SMARCA2: variants seen among roughly 807,000 people sequenced by gnomAD.
SMARCA2 encodes SWI/SNF-related matrix-associated actin-dependent regulator of chromatin subfamily A member 2.
Under a neutral mutation model 199.8 loss-of-function variants are expected in SMARCA2, and 61 were observed. That is an observed-to-expected ratio of 0.31 (90% CI 0.25 to 0.38). The LOEUF (loss-of-function observed/expected upper bound fraction) is 0.38. Among genes scored for constraint, SMARCA2 ranks in the 10% least tolerant of loss-of-function variants. SMARCA2 has a pLI of 1.00. For synonymous variants in SMARCA2, 935 were observed against 732.0 expected (o/e 1.28, Z -4.48); for missense variants, 1,344 against 2,012.2 (o/e 0.67, Z 6.35).
Position 2,191,333 on chromosome 9 carries a change from C to G in SMARCA2, c.4662C>G (p.Gly1554=), listed in dbSNP as rs1199976180. The G allele has an allele frequency of 1.9e-6, 3 of 1,614,148 alleles. No homozygotes were observed. Among genetic ancestry groups the G allele is most frequent in the Non-Finnish European group, 2.5e-6 (3 of 1,180,010 alleles). The part of the protein sequence containing the change: ...KDDKGRDKGK[G]KKRPNRGKAK... ...ACAAAGGCCGGGACAAAGGGAAAGG[C>G]AAGAAAAGGCCAAATCGAGGAAAAG... is the stretch of plus-strand genomic sequence containing the variant. Residue 1554 remains glycine, a synonymous_variant, in exon 33 of 34, where the codon GGC becomes GGG. Coordinates refer to ENST00000349721, the MANE Select transcript of SMARCA2 (RefSeq NM_003070.5).
At chr9:2,118,905 A>G (rs984924035) in intron 25 of SMARCA2, among the ~76,000 whole-genome samples, 5 of 152,188 alleles carry the variant, frequency 3.3e-5, no homozygotes, top group African/African-American at 7.2e-5. Flanking sequence ...AATAATACCC[A>G]TAGAAATATA....
intron 14 of SMARCA2, among the ~76,000 whole-genome samples, chr9:2,078,222 A>G (rs960410399): frequency 2.0e-5 from 3 of 152,154 alleles, no homozygotes; most frequent in Non-Finnish European, 4.4e-5. Context: ...TTGTAATCCT[A>G]TCACTTTGGG....
Position 2,077,777 on chromosome 9 carries a change from G to C in SMARCA2, c.2184+1G>C. 6.2e-7 allele frequency: 1 copy of C among 1,605,574 alleles called. No homozygotes were observed. The highest frequency in any genetic ancestry group is 8.5e-7 in the Non-Finnish European group (1 of 1,175,698). ...TAATGGGACCCTAAAGCATTACCAG[G>C]TAATTGGCATGGTTTCAGTTTCCTT... On this transcript the variant is annotated splice_donor_variant, in intron 14 of 33. Coordinates refer to ENST00000349721, the MANE Select transcript of SMARCA2 (RefSeq NM_003070.5). LOFTEE classifies it high-confidence loss of function.
At chr9:2,121,038 C>A (rs1397185758) in intron 26 of SMARCA2, among the ~76,000 whole-genome samples, 1 of 152,196 alleles carries the variant, frequency 6.6e-6, no homozygotes, top group Non-Finnish European at 1.5e-5. Context: ...CTCAGCTGAT[C>A]ACTGTTAGGC....
intron 9 of SMARCA2, among the ~76,000 whole-genome samples, chr9:2,061,201 C>CTA (rs1188698864): frequency 6.6e-6 from 1 of 152,098 alleles, no homozygotes; most frequent in African/African-American, 2.4e-5. Context: ...ATATACTAAA[C>CTA]TAAAACAATG....
intron 19 of SMARCA2, among the ~76,000 whole-genome samples, chr9:2,091,599 T>C (rs1366459179): frequency 6.6e-6 from 1 of 152,202 alleles, no homozygotes; most frequent in Non-Finnish European, 1.5e-5. Flanking sequence ...GGTTTGCATT[T>C]CACTTGAGTA....
At chr9:2,053,827 A>G (rs1820234687) in intron 5 of SMARCA2, among the ~76,000 whole-genome samples, 1 of 152,214 alleles carries the variant, frequency 6.6e-6, no homozygotes, top group Non-Finnish European at 1.5e-5. Flanking sequence ...GAATGGCTAA[A>G]GTCAGAGGTC....
At position 2,104,721 on chromosome 9, in the gene SMARCA2, A is replaced by C. The variant is rs1326842847; in HGVS notation, c.3292+552A>C. ...CTATGTAAAATATTTGCCTGGTTTT[A>C]AGAGTGAAATTTAAATACCGTGTCC... On this transcript the variant is annotated intron_variant, in intron 23 of 33. Coordinates refer to ENST00000349721, the MANE Select transcript of SMARCA2 (RefSeq NM_003070.5). The surrounding 1 kb of genome is among the most constrained non-coding windows in gnomAD (Gnocchi z 4.0). Among the ~76,000 whole-genome samples, 2 of 152,224 alleles carry C rather than the reference A, an allele frequency of 1.3e-5. No individual in the cohort carries two copies. Among genetic ancestry groups the C allele is most frequent in the Non-Finnish European group, 2.9e-5 (2 of 68,028 alleles).
intron 13 of SMARCA2, among the ~76,000 whole-genome samples, chr9:2,076,828 C>A (rs778140517): frequency 6.6e-6 from 1 of 152,122 alleles, no homozygotes; most frequent in East Asian, 1.9e-4. Flanking sequence ...TCCAGCCCTC[C>A]GAGTGCCCTG....
chr9:2,073,242 C>T lies in SMARCA2; in HGVS notation c.1777C>T (p.Leu593Phe), dbSNP rs1480212479. 2 of 1,614,030 alleles carry T rather than the reference C, an allele frequency of 1.2e-6. No individual in the cohort carries two copies. The highest frequency in any genetic ancestry group is 1.3e-5 in the African/African-American group (1 of 74,892). ...PIDESSQMSD[L>F]PVKVTHTETG... ...AGATGAGAGCAGCCAGATGAGTGACCTCCCTGTCAAAGTGACTCACACAGA... is the reference window on the plus strand; with the variant it reads ...AGATGAGAGCAGCCAGATGAGTGACTTCCCTGTCAAAGTGACTCACACAGA... Residue 593 changes from leucine (L) to phenylalanine (F), a missense_variant, in exon 11 of 34, where the codon CTC (leucine) becomes TTC (phenylalanine). Coordinates refer to ENST00000349721, the MANE Select transcript of SMARCA2 (RefSeq NM_003070.5).
intron 24 of SMARCA2, among the ~76,000 whole-genome samples, chr9:2,113,781 G>C (rs949433892): frequency 6.6e-6 from 1 of 152,124 alleles, no homozygotes; most frequent in Non-Finnish European, 1.5e-5. Flanking sequence ...TTCATATTCT[G>C]CTGCCCCCTG....
rs529176010 is a variant in SMARCA2 at position 2,097,887 on chromosome 9, G to T, written c.3078+416G>T. Among the ~76,000 whole-genome samples, 9 of 152,312 alleles carry T rather than the reference G, an allele frequency of 5.9e-5. No individual in the cohort carries two copies. The South Asian group carries it at 1.7e-3, about 28-fold the overall frequency. On this transcript the variant is annotated intron_variant, in intron 21 of 33. Coordinates refer to ENST00000349721, the MANE Select transcript of SMARCA2 (RefSeq NM_003070.5). ...TGTATTTATGACTTCTAAAGAGAAA[G>T]ATTTTCTTTAAATATTTTCTTTGTA...
chr9:2,188,888 T>TGGAAG (rs1309734222), intron 32 of SMARCA2, among the ~76,000 whole-genome samples: 1 of 152,232 alleles, frequency 6.6e-6, no homozygotes, highest in African/African-American at 2.4e-5. Flanking sequence ...TGGCTGCCAG[T>TGGAAG]GGAAGGCTGT....
chr9:2,029,528 G>A (rs1162682417), intron 2 of SMARCA2, among the ~76,000 whole-genome samples: 2 of 152,146 alleles, frequency 1.3e-5, no homozygotes, highest in African/African-American at 4.8e-5. Context: ...AGGTATTTTT[G>A]TCTTGGTGAA....
intron 29 of SMARCA2, among the ~76,000 whole-genome samples, chr9:2,180,256 G>A (rs1206812565): frequency 6.6e-6 from 1 of 151,966 alleles, no homozygotes; most frequent in Non-Finnish European, 1.5e-5. Flanking sequence ...AAACAAAAAC[G>A]ATGACCCAGT....
chr9:2,069,809 G>T (rs1420743066), intron 9 of SMARCA2, among the ~76,000 whole-genome samples: 3 of 152,056 alleles, frequency 2.0e-5, no homozygotes, highest in Non-Finnish European at 2.9e-5. Context: ...TTAGATTCAG[G>T]GGATACATGT....
At chr9:2,076,468 C>T (rs961170616) in intron 13 of SMARCA2, 139 bp downstream of exon 13, 5 of 605,362 alleles carry the variant, frequency 8.3e-6, no homozygotes, top group Non-Finnish European at 1.2e-5. Flanking sequence ...TAGAGGTCAC[C>T]ACTGAGTTCT....
In SMARCA2 at chr9:2,034,840, A is replaced by T. The variant is rs182287065; in HGVS notation, c.355+1759A>T. 7.7e-3 allele frequency among the ~76,000 whole-genome samples: 1,172 copies of T among 152,266 alleles called. 5 individuals carry two copies. Among genetic ancestry groups the T allele is most frequent in the Non-Finnish European group, 0.014 (919 of 68,018 alleles). On this transcript the variant is annotated intron_variant, in intron 3 of 33. Transcript: ENST00000349721. ...CAGGCATAATTGTTGCAGATAACTC[A>T]TAGAATCTTGACCATGTCAGAAGAG...
rs750331670 is a variant in SMARCA2 at position 2,158,999 on chromosome 9, C to T, written c.3982-2687C>T. 66 of 1,610,846 alleles carry T rather than the reference C, an allele frequency of 4.1e-5. No homozygotes were observed. The East Asian group carries it at 1.3e-3, about 32-fold the overall frequency. The stretch of plus-strand genomic sequence containing the variant: ...TAATGGTCAGTACTTTGTGTGTTTC[C>T]TTGTAATTCCAAAACCTAAATTTAA... On this transcript the variant is annotated intron_variant, in intron 27 of 33. Transcript: ENST00000349721.
Sources: gnomAD v4.1 joint callset for allele counts (sites outside exome capture counted in the v4.1 genomes callset) on GRCh38, gnomAD v4.1.1 for gene constraint, Gnocchi (gnomAD v3.1) non-coding constraint, MANE v1.5 for transcripts, NCBI Gene and HGNC (gene_info 2026-07-23, HGNC 2026-07-21) for gene names.